The following FSTL4 variants were observed in gnomAD, a reference collection of about 807,000 sequenced individuals.
FSTL4 encodes follistatin like 4.
A neutral mutation model predicts 78.2 loss-of-function variants in FSTL4; 28 were observed. The observed-to-expected ratio is 0.36, with a 90% CI of 0.27 to 0.49. The LOEUF (loss-of-function observed/expected upper bound fraction) is 0.49, where lower values mean the gene tolerates loss of function less well. Ranked by LOEUF, FSTL4 falls within the 20% of genes least tolerant of loss-of-function variation. FSTL4 has a pLI of 0.98. For missense variants in FSTL4, 922 were observed against 1,084.9 expected, an observed-to-expected ratio of 0.85 and a Z score of 2.11; for synonymous variants, 422 against 440.5, an observed-to-expected ratio of 0.96 and a Z score of 0.53.
rs565057176 is a variant in FSTL4, at chr5:133,421,904, C to T, written c.161-20918G>A. 5.6e-4 allele frequency among the ~76,000 whole-genome samples: 85 copies of T among 152,118 alleles called. 1 individual carries two copies. Among genetic ancestry groups the T allele is most frequent in the Admixed American group, 8.5e-4 (13 of 15,288 alleles). On this transcript the variant is annotated intron_variant, in intron 3 of 15. Coordinates refer to ENST00000265342, the MANE Select transcript of FSTL4 (RefSeq NM_015082.2). ...CTTATATTTGAGTGGAGGAGACAGG[C>T]GGGAAGTGATAAGTACCATGAAGAA...
the FSTL4 span, among the ~76,000 whole-genome samples, chr5:133,783,494 C>G: frequency 2.6e-5 from 4 of 152,202 alleles, no homozygotes; most frequent in Non-Finnish European, 5.9e-5. Context: ...CCCAGCCTAA[C>G]AAACACACGG....
At chr5:133,668,356 C>T in the FSTL4 span, among the ~76,000 whole-genome samples, 1 of 152,168 alleles carries the variant, frequency 6.6e-6, no homozygotes, top group African/African-American at 2.4e-5. Context: ...CTCACACACT[C>T]TTGGCTGGTC....
chr5:133,509,386 T>C (rs1758678279), intron 3 of FSTL4, among the ~76,000 whole-genome samples: 1 of 152,226 alleles, frequency 6.6e-6, no homozygotes, highest in South Asian at 2.1e-4. Flanking sequence ...TCCAGATTTT[T>C]GCTTTTCTAA....
chr5:133,315,499 G>A (rs553436666), intron 5 of FSTL4, among the ~76,000 whole-genome samples: 292 of 152,316 alleles, frequency 1.9e-3, no homozygotes, highest in Non-Finnish European at 3.2e-3. Flanking sequence ...CCGGGCCACA[G>A]CCTTGAGAAG....
intron 4 of FSTL4, among the ~76,000 whole-genome samples, chr5:133,364,340 C>T (rs565816130): frequency 1.3e-5 from 2 of 152,282 alleles, no homozygotes; most frequent in Non-Finnish European, 2.9e-5. Flanking sequence ...TGTCTCAAGG[C>T]CTGAAACTTC....
At chr5:133,451,788 G>A (rs551163124) in intron 3 of FSTL4, among the ~76,000 whole-genome samples, 42 of 152,264 alleles carry the variant, frequency 2.8e-4, no homozygotes, top group Non-Finnish European at 4.6e-4. Flanking sequence ...CATTTGAGAA[G>A]GAAACAGAAT....
intron 3 of FSTL4, among the ~76,000 whole-genome samples, chr5:133,551,706 A>C (rs1759694540): frequency 2.0e-5 from 3 of 152,240 alleles, no homozygotes; most frequent in Non-Finnish European, 4.4e-5. Flanking sequence ...CATACTTTTA[A>C]AATGTCTCTT....
At chr5:133,277,886 G>A (rs1752922777) in intron 6 of FSTL4, among the ~76,000 whole-genome samples, 1 of 152,200 alleles carries the variant, frequency 6.6e-6, no homozygotes, top group Admixed American at 6.5e-5. Context: ...GTCCGGAGTA[G>A]GTGGGGGCCT....
At chr5:133,603,067 T>C (rs1451314432) in intron 2 of FSTL4, among the ~76,000 whole-genome samples, 1 of 152,180 alleles carries the variant, frequency 6.6e-6, no homozygotes. Flanking sequence ...TAGGAATTAG[T>C]ATTCATCACA....
chr5:133,475,798 T>C (rs1757915603), intron 3 of FSTL4, among the ~76,000 whole-genome samples: 1 of 152,172 alleles, frequency 6.6e-6, no homozygotes, highest in African/African-American at 2.4e-5. Flanking sequence ...TAATCAGCCC[T>C]CCCCGCTACT....
the FSTL4 span, among the ~76,000 whole-genome samples, chr5:133,689,646 TC>T: frequency 6.6e-6 from 1 of 152,222 alleles, no homozygotes; most frequent in Admixed American, 6.5e-5. Flanking sequence ...CCTTTGGGGA[TC>T]CAGGTTCCTG....
chr5:133,221,891 G>GGTTTTT (rs1751119476), intron 11 of FSTL4, among the ~76,000 whole-genome samples: 1 of 43,360 alleles, frequency 2.3e-5, no homozygotes, highest in East Asian at 1.5e-3. Context: ...CTCTTTTCTA[G>GGTTTTT]TTTTTTTTTT....
At chr5:133,644,456 C>T in the FSTL4 span, among the ~76,000 whole-genome samples, 2 of 152,074 alleles carry the variant, frequency 1.3e-5, no homozygotes, top group South Asian at 2.1e-4. Flanking sequence ...CAAGCCTCTC[C>T]CTCTGCTGTT....
At chr5:133,222,590 C>A (rs1445181045) in intron 11 of FSTL4, among the ~76,000 whole-genome samples, 1 of 152,200 alleles carries the variant, frequency 6.6e-6, no homozygotes, top group Non-Finnish European at 1.5e-5. Flanking sequence ...CATAATAGAG[C>A]CCACATGGGG....
At chr5:133,421,987 G>T (rs912881856) in intron 3 of FSTL4, among the ~76,000 whole-genome samples, 1 of 152,176 alleles carries the variant, frequency 6.6e-6, no homozygotes, top group Non-Finnish European at 1.5e-5. Flanking sequence ...TAGATAAGGT[G>T]GTCAGGGAGG....
chr5:133,342,412 T>C (rs1045981384), intron 4 of FSTL4, among the ~76,000 whole-genome samples: 1 of 152,226 alleles, frequency 6.6e-6, no homozygotes, highest in Non-Finnish European at 1.5e-5. Flanking sequence ...GGAAAAATCC[T>C]GTGTCAATTA....
At chr5:133,221,882 T>C (rs1294237649) in intron 11 of FSTL4, among the ~76,000 whole-genome samples, 2 of 143,036 alleles carry the variant, frequency 1.4e-5, no homozygotes, top group Admixed American at 7.0e-5. Context: ...TAGAAAAATC[T>C]CTTTTCTAGT....
At chr5:133,517,439 A>ATATATATATATATATATATAT (rs1221892095) in intron 3 of FSTL4, among the ~76,000 whole-genome samples, 1 of 32,132 alleles carries the variant, frequency 3.1e-5, no homozygotes, top group African/African-American at 1.5e-4. Flanking sequence ...AAAAAAAAAA[A>ATATATATATATATATATATAT]AAAAAAAAAT....
the FSTL4 span, among the ~76,000 whole-genome samples, chr5:133,632,675 G>T: frequency 6.7e-6 from 1 of 150,172 alleles, no homozygotes; most frequent in East Asian, 1.9e-4. Context: ...TGTGTTTTTT[G>T]TTTGTTTTTT....
Sources: allele counts gnomAD v4.1 joint callset (sites outside exome capture counted in the v4.1 genomes callset), GRCh38; gene constraint gnomAD v4.1.1; transcripts MANE v1.5; gene names NCBI Gene and HGNC (gene_info 2026-07-23, HGNC 2026-07-21).